The following RTL4 variants were observed in gnomAD, a reference collection of about 807,000 sequenced individuals.
The protein encoded by RTL4 is retrotransposon Gag-like protein 4.
A neutral mutation model predicts 5.3 loss-of-function variants in RTL4; 4 were observed. The observed-to-expected ratio is 0.75, with a 90% CI of 0.37 to 1.72. RTL4 has a LOEUF of 1.72. Among genes scored for constraint, RTL4 ranks in the 40% most tolerant of loss-of-function variants. The pLI, the probability that RTL4 is intolerant of heterozygous loss-of-function variation, is 0.04. For missense variants in RTL4, 260 were observed against 227.1 expected (o/e 1.14, Z -0.93); for synonymous variants, 98 against 87.3 (o/e 1.12, Z -0.68).
the RTL4 span, among the ~76,000 whole-genome samples, chrX:112,395,988 T>C: frequency 2.7e-5 from 3 of 111,263 alleles, no homozygotes; most frequent in Non-Finnish European, 5.7e-5. Flanking sequence ...GGTAAGAATT[T>C]AGAAATTTGA....
the RTL4 span, among the ~76,000 whole-genome samples, chrX:112,199,965 G>A: frequency 6.3e-5 from 7 of 111,814 alleles, no homozygotes; most frequent in Non-Finnish European, 1.3e-4. Context: ...TATTAATGGC[G>A]TTCTATGCAG....
chrX:112,287,779 T>C, the RTL4 span, among the ~76,000 whole-genome samples: 1 of 111,543 alleles, frequency 9.0e-6, no homozygotes, highest in Non-Finnish European at 1.9e-5. Flanking sequence ...GTCAAAAGAT[T>C]TTATTATGGA....
At chrX:112,136,376 G>A in the RTL4 span, among the ~76,000 whole-genome samples, 1 of 111,702 alleles carries the variant, frequency 9.0e-6, no homozygotes, top group Non-Finnish European at 1.9e-5. Context: ...GAATAGCAGT[G>A]GTGAGAGTGG....
chrX:112,093,374 C>A, the RTL4 span, among the ~76,000 whole-genome samples: 1 of 111,703 alleles, frequency 9.0e-6, no homozygotes, highest in African/African-American at 3.3e-5. Flanking sequence ...GTTTATGTAA[C>A]CTTCTCCCCA....
At chrX:112,414,859 T>G in the RTL4 span, among the ~76,000 whole-genome samples, 6 of 111,532 alleles carry the variant, frequency 5.4e-5, no homozygotes, top group Non-Finnish European at 1.1e-4. Context: ...TGTTGAAGGA[T>G]AGATATAAAG....
chrX:112,453,466 C>T (rs1926778095), upstream of RTL4, among the ~76,000 whole-genome samples: 1 of 111,868 alleles, frequency 8.9e-6, no homozygotes, highest in Admixed American at 9.5e-5. Flanking sequence ...TAAGAATATT[C>T]AGTTCTTGTT....
the RTL4 span, among the ~76,000 whole-genome samples, chrX:112,448,355 G>A: frequency 9.0e-6 from 1 of 111,674 alleles, no homozygotes; most frequent in African/African-American, 3.3e-5. Context: ...CACCATTGCT[G>A]TATCTTAACC....
chrX:112,385,221 A>ATTT, the RTL4 span, among the ~76,000 whole-genome samples: 2 of 109,299 alleles, frequency 1.8e-5, no homozygotes, highest in African/African-American at 6.6e-5. Context: ...CTGGTCTATA[A>ATTT]TTTTTTTTTC....
chrX:112,222,772 G>A, the RTL4 span, among the ~76,000 whole-genome samples: 2 of 111,915 alleles, frequency 1.8e-5, no homozygotes, highest in Non-Finnish European at 3.8e-5. Context: ...CATTCGTAAG[G>A]ATCCAGTCAA....
chrX:112,441,577 G>A, the RTL4 span, among the ~76,000 whole-genome samples: 1 of 111,508 alleles, frequency 9.0e-6, no homozygotes, highest in Non-Finnish European at 1.9e-5. Flanking sequence ...CTCATACACT[G>A]CTGGTGAGAA....
chrX:112,150,823 A>G, the RTL4 span, among the ~76,000 whole-genome samples: 387 of 112,345 alleles, frequency 3.4e-3, 1 homozygote, highest in Non-Finnish European at 5.7e-3. Flanking sequence ...GACATGGAGA[A>G]CTATGAGAGG....
the RTL4 span, among the ~76,000 whole-genome samples, chrX:112,431,665 G>A: frequency 9.0e-6 from 1 of 111,478 alleles, no homozygotes; most frequent in Admixed American, 9.6e-5. Context: ...TTTAAGAAGA[G>A]TTGTTTGTCT....
the RTL4 span, among the ~76,000 whole-genome samples, chrX:112,328,600 A>G: frequency 9.9e-5 from 11 of 111,283 alleles, no homozygotes; most frequent in African/African-American, 2.6e-4. Context: ...ACAGATCAAC[A>G]AGAGAGAAAG....
At chrX:112,299,127 A>C in the RTL4 span, among the ~76,000 whole-genome samples, 1 of 111,255 alleles carries the variant, frequency 9.0e-6, no homozygotes, top group African/African-American at 3.3e-5. Context: ...ATGCTTTCCA[A>C]CTGGGACATT....
the RTL4 span, among the ~76,000 whole-genome samples, chrX:112,401,149 T>A: frequency 8.9e-6 from 1 of 112,143 alleles, no homozygotes; most frequent in East Asian, 2.8e-4. Context: ...AAATCTAGAC[T>A]TGGTTATTCC....
At chrX:112,381,923 C>T in the RTL4 span, 1 of 1,209,062 alleles carries the variant, frequency 8.3e-7, no homozygotes. Context: ...TATGAAGGCC[C>T]AGGCCTTGAA....
At chrX:112,299,544 A>G in the RTL4 span, among the ~76,000 whole-genome samples, 2 of 112,032 alleles carry the variant, frequency 1.8e-5, no homozygotes, top group African/African-American at 6.5e-5. Context: ...GAACTTTGGC[A>G]TCCTTCTCAG....
chrX:112,424,270 G>A, the RTL4 span, among the ~76,000 whole-genome samples: 2 of 111,903 alleles, frequency 1.8e-5, no homozygotes, highest in Admixed American at 9.5e-5. Flanking sequence ...ATGCACAGAT[G>A]TTGTTAATAT....
chrX:112,452,818 G>A (rs1419207569), upstream of RTL4, among the ~76,000 whole-genome samples: 1 of 111,263 alleles, frequency 9.0e-6, no homozygotes, highest in African/African-American at 3.3e-5. Context: ...GATCACCTGA[G>A]GTCAGGAGTT....
Sources: allele counts gnomAD v4.1 joint callset (sites outside exome capture counted in the v4.1 genomes callset), GRCh38; gene constraint gnomAD v4.1.1; transcripts MANE v1.5; gene names NCBI Gene and HGNC (gene_info 2026-07-23, HGNC 2026-07-21).